Variants in KCNN2 observed in about 807,000 individuals in gnomAD.
KCNN2 encodes the protein potassium calcium-activated channel subfamily N member 2.
A neutral mutation model predicts 55.5 loss-of-function variants in KCNN2; 24 were observed. The ratio of observed to expected loss-of-function variants is 0.43; its 90% CI spans 0.31 to 0.61. The LOEUF (loss-of-function observed/expected upper bound fraction) is 0.61. Among genes scored for constraint, KCNN2 ranks in the 20% least tolerant of loss-of-function variants. The pLI is 0.08. For synonymous variants in KCNN2, 431 were observed against 336.1 expected (o/e 1.28, Z -3.09); for missense variants, 754 against 853.6 (o/e 0.88, Z 1.45).
At chr5:114,278,639 GTGAGCAAGGCTC>G (rs1354470826) in intron 2 of KCNN2, among the ~76,000 whole-genome samples, 1 of 152,194 alleles carries the variant, frequency 6.6e-6, no homozygotes, top group Non-Finnish European at 1.5e-5. Context: ...TGCACTAGCA[GTGAGCAAGGCTC>G]TGTGGGCATG....
intron 2 of KCNN2, among the ~76,000 whole-genome samples, chr5:114,262,068 T>C (rs565993560): frequency 6.6e-6 from 1 of 152,326 alleles, no homozygotes; most frequent in African/African-American, 2.4e-5. Context: ...TAGTGATATA[T>C]ACCCCAAACC....
intron 2 of KCNN2, among the ~76,000 whole-genome samples, chr5:114,311,350 T>C (rs866403435): frequency 6.6e-6 from 1 of 152,132 alleles, no homozygotes; most frequent in Non-Finnish European, 1.5e-5. Context: ...GTGATTCTAC[T>C]AGCAATGACT....
chr5:114,342,296 A>T (rs770623623), intron 2 of KCNN2, among the ~76,000 whole-genome samples: 1 of 152,120 alleles, frequency 6.6e-6, no homozygotes, highest in Non-Finnish European at 1.5e-5. Flanking sequence ...TCCTTAGGCA[A>T]GGAGCTGTGA....
chr5:114,157,807 T>C (rs1752669396), intron 1 of KCNN2, among the ~76,000 whole-genome samples: 1 of 152,080 alleles, frequency 6.6e-6, no homozygotes, highest in Admixed American at 6.6e-5. Context: ...ATGTCTTCTT[T>C]TGAGAAGTGT....
At chr5:114,333,438 T>C (rs1756862832) in intron 2 of KCNN2, among the ~76,000 whole-genome samples, 1 of 152,216 alleles carries the variant, frequency 6.6e-6, no homozygotes, top group Admixed American at 6.5e-5. Context: ...CAAACAGACA[T>C]CCTTTGCTGT....
chr5:114,437,672 T>G (rs1323784234), intron 3 of KCNN2, among the ~76,000 whole-genome samples: 1 of 152,186 alleles, frequency 6.6e-6, no homozygotes, highest in Non-Finnish European at 1.5e-5. Context: ...CAACTACATG[T>G]GATCACATAA....
chr5:114,432,124 C>CAAA (rs955598204), intron 3 of KCNN2, among the ~76,000 whole-genome samples: 48 of 152,212 alleles, frequency 3.2e-4, no homozygotes, highest in African/African-American at 1.2e-3. Flanking sequence ...TACGTTGTTA[C>CAAA]TGATTTTCTG....
intron 2 of KCNN2, among the ~76,000 whole-genome samples, chr5:114,281,816 A>T (rs3101063): frequency 0.9 from 136,387 of 152,044 alleles, 61,557 homozygotes; most frequent in Middle Eastern, 0.94. Flanking sequence ...ATTTAAAGTA[A>T]CTGGATCTGG....
chr5:114,331,933 C>G (rs1756829753), intron 2 of KCNN2, among the ~76,000 whole-genome samples: 1 of 152,140 alleles, frequency 6.6e-6, no homozygotes, highest in African/African-American at 2.4e-5. Context: ...GAGAACCAAG[C>G]TCAGACCTTC....
At chr5:114,173,374 G>A (rs1168466298) in intron 1 of KCNN2, among the ~76,000 whole-genome samples, 1 of 149,588 alleles carries the variant, frequency 6.7e-6, no homozygotes, top group Non-Finnish European at 1.5e-5. Context: ...GATTTCTCTG[G>A]TTTTGTTCTT....
intron 2 of KCNN2, among the ~76,000 whole-genome samples, chr5:114,293,734 T>C (rs1489852952): frequency 1.3e-5 from 2 of 152,220 alleles, no homozygotes; most frequent in Non-Finnish European, 2.9e-5. Flanking sequence ...ATTCCCTCTT[T>C]TTCTATTGAT....
intron 2 of KCNN2, among the ~76,000 whole-genome samples, chr5:114,368,504 A>G (rs989931864): frequency 6.6e-6 from 1 of 152,098 alleles, no homozygotes; most frequent in Non-Finnish European, 1.5e-5. Flanking sequence ...GTCCCTGTCT[A>G]CTAGTAGGCT....
At chr5:114,148,529 C>T (rs1271755516) in intron 1 of KCNN2, among the ~76,000 whole-genome samples, 1 of 152,080 alleles carries the variant, frequency 6.6e-6, no homozygotes, top group East Asian at 1.9e-4. Flanking sequence ...AGAGTGAGGG[C>T]ACTGGGACGT....
At chr5:114,393,806 C>A (rs1032138513) in intron 2 of KCNN2, among the ~76,000 whole-genome samples, 4 of 151,586 alleles carry the variant, frequency 2.6e-5, no homozygotes, top group African/African-American at 9.7e-5. Context: ...TCAGTACTTA[C>A]TTGATATCTC....
intron 1 of KCNN2, among the ~76,000 whole-genome samples, chr5:114,220,664 T>C (rs1417873639): frequency 6.6e-6 from 1 of 151,920 alleles, no homozygotes; most frequent in Admixed American, 6.6e-5. Flanking sequence ...CATTTTAAAA[T>C]TAACAAGTGA....
At chr5:114,398,828 A>G (rs1354899062) in intron 2 of KCNN2, among the ~76,000 whole-genome samples, 1 of 151,828 alleles carries the variant, frequency 6.6e-6, no homozygotes, top group Non-Finnish European at 1.5e-5. Context: ...TGTGTTCTTG[A>G]TTTGTCTCTC....
intron 3 of KCNN2, among the ~76,000 whole-genome samples, chr5:114,454,140 A>G (rs976475600): frequency 6.6e-6 from 1 of 152,198 alleles, no homozygotes; most frequent in Non-Finnish European, 1.5e-5. Context: ...ATGTCCCTGC[A>G]AAGGACATGA....
intron 2 of KCNN2, among the ~76,000 whole-genome samples, chr5:114,398,778 C>G (rs1183102074): frequency 6.6e-6 from 1 of 151,882 alleles, no homozygotes; most frequent in Non-Finnish European, 1.5e-5. Flanking sequence ...GGTTGTATTC[C>G]TAGGTATTTT....
At chr5:114,059,189 A>G (rs1750273342) in intron 1 of KCNN2, among the ~76,000 whole-genome samples, 1 of 152,192 alleles carries the variant, frequency 6.6e-6, no homozygotes, top group Non-Finnish European at 1.5e-5. Context: ...TTATTAAGGG[A>G]AAGAGAGGAA....
Sources: allele counts gnomAD v4.1 joint callset (sites outside exome capture counted in the v4.1 genomes callset), GRCh38; gene constraint gnomAD v4.1.1; transcripts MANE v1.5; gene names NCBI Gene and HGNC (gene_info 2026-07-23, HGNC 2026-07-21).